Variants in CDCA7L observed in about 807,000 individuals in gnomAD.
CDCA7L encodes the protein cell division cycle-associated 7-like protein.
Under a neutral mutation model 57.4 loss-of-function variants are expected in CDCA7L, and 44 were observed. The ratio of observed to expected loss-of-function variants is 0.77; its 90% CI spans 0.60 to 0.98. CDCA7L has a LOEUF of 0.98. CDCA7L is among the 50% of genes least tolerant of loss of function. The pLI is 0.00. For missense variants in CDCA7L, 644 were observed against 580.6 expected, an observed-to-expected ratio of 1.11 and a Z score of -1.12; for synonymous variants, 236 against 202.8, an observed-to-expected ratio of 1.16 and a Z score of -1.39.
intron 1 of CDCA7L, among the ~76,000 whole-genome samples, chr7:21,933,259 T>C (rs900254547): frequency 2.0e-5 from 3 of 152,200 alleles, no homozygotes; most frequent in Non-Finnish European, 4.4e-5. Context: ...CTCAAGGATC[T>C]AGAACCAGAA....
At chr7:21,927,235 A>T (rs1785857611) in intron 1 of CDCA7L, among the ~76,000 whole-genome samples, 1 of 152,208 alleles carries the variant, frequency 6.6e-6, no homozygotes, top group South Asian at 2.1e-4. Context: ...GACAAAGAAA[A>T]CTATCCTATG....
Position 21,941,148 on chromosome 7 carries a change from C to T in CDCA7L, c.24+4633G>A, listed in dbSNP as rs189393923. ...AAAGAGTTATTAAAAATAGTGCAGACTCCAACACAAGCCGTAAGATATACA... is the reference window on the plus strand; with the variant it reads ...AAAGAGTTATTAAAAATAGTGCAGATTCCAACACAAGCCGTAAGATATACA... On this transcript the variant is annotated intron_variant, in intron 1 of 9. Coordinates refer to ENST00000406877, the MANE Select transcript of CDCA7L (RefSeq NM_018719.5). 4.6e-3 allele frequency among the ~76,000 whole-genome samples: 696 copies of T among 152,198 alleles called. 4 individuals carry two copies. Among genetic ancestry groups the T allele is most frequent in the Non-Finnish European group, 6.5e-3 (440 of 68,026 alleles).
At position 21,901,076 on chromosome 7, in the gene CDCA7L, C is replaced by T. The variant is rs72658835; in HGVS notation, c.*1246G>A. On this transcript the variant is annotated 3_prime_UTR_variant, in exon 10 of 10. Transcript: ENST00000406877. ...CTCAAGGAGCTGGCATGCCCTATGC[C>T]GGTCATCTTTGCAAAAGCCACCCCC... 8.5e-5 allele frequency: 137 copies of T among 1,613,678 alleles called. No homozygotes were observed. Among genetic ancestry groups the T allele is most frequent in the South Asian group, 2.6e-4 (24 of 91,062 alleles).
rs534868203 is a variant in CDCA7L at position 21,941,518 on chromosome 7, C to A, written c.24+4263G>T. Among the ~76,000 whole-genome samples, 3 of 152,334 alleles carry A rather than the reference C, an allele frequency of 2.0e-5. No individual in the cohort carries two copies. In the South Asian group the frequency reaches 6.2e-4, roughly 32 times the overall value. On this transcript the variant is annotated intron_variant, in intron 1 of 9. Coordinates refer to ENST00000406877, the MANE Select transcript of CDCA7L (RefSeq NM_018719.5). ...TACAATGCAAATTTCACATAAAAGT[C>A]ATTCCTATGTAAAAGCTTGGTGGAT...
Position 21,901,982 on chromosome 7 carries a change from A to G in CDCA7L, c.*340T>C, listed in dbSNP as rs150996749. Reference sequence around the variant, plus strand: ...TGGGAAGCCAAAGATAGATAGATCAAGTGCAGGAGCTGATCATACAATGTT... The same window carrying G: ...TGGGAAGCCAAAGATAGATAGATCAGGTGCAGGAGCTGATCATACAATGTT... On this transcript the variant is annotated 3_prime_UTR_variant, in exon 10 of 10. Transcript: ENST00000406877. 3.4e-6 allele frequency: 1 copy of G among 291,820 alleles called. No homozygotes were observed. The highest frequency in any genetic ancestry group is 2.1e-5 in the African/African-American group (1 of 46,530). The allele number at this position is 291,820 out of a possible 1,614,324, so 18.1% of individuals were successfully genotyped here.
chr7:21,903,007 A>G lies in CDCA7L; in HGVS notation c.1305T>C (p.Gly435=). 1.2e-6 allele frequency: 2 copies of G among 1,613,922 alleles called. No homozygotes were observed. Among genetic ancestry groups the G allele is most frequent in the Non-Finnish European group, 1.7e-6 (2 of 1,179,826 alleles). Residue 435 remains glycine (G), a synonymous_variant, in exon 9 of 10, where the codon GGT becomes GGC. Coordinates refer to ENST00000406877, the MANE Select transcript of CDCA7L (RefSeq NM_018719.5). Reference sequence around the variant, plus strand: ...CCAGATATTCCTTAACATTGTCATAACCATAAAACTTGGCCAGATGAATGA... The same window carrying G: ...CCAGATATTCCTTAACATTGTCATAGCCATAAAACTTGGCCAGATGAATGA... ...GILIHLAKFY[G]YDNVKEYLES...
intron 1 of CDCA7L, among the ~76,000 whole-genome samples, chr7:21,927,790 C>T (rs1381064347): frequency 1.3e-5 from 2 of 152,166 alleles, no homozygotes; most frequent in Non-Finnish European, 2.9e-5. Context: ...TGACACTCAA[C>T]AAGATTATCA....
In CDCA7L at chr7:21,929,631, C is replaced by CAAAAA. The variant is rs57283961; in HGVS notation, c.25-12742_25-12738dup. Among the ~76,000 whole-genome samples the CAAAAA allele has an allele frequency of 2.4e-3, 86 of 35,512 alleles. 5 individuals are homozygous for CAAAAA. The highest frequency in any genetic ancestry group is 0.01 in the African/African-American group (66 of 6,552). 23.3% of individuals were successfully genotyped at this position (35,512 alleles called of 152,430 possible). A position where few individuals can be genotyped will look rare whatever the true frequency, so the allele number is the denominator to read the frequency against. On this transcript the variant is annotated intron_variant, in intron 1 of 9. Transcript: ENST00000406877. ...GGAATATTATCCAGCAAATGGAAAG[C>CAAAAA]AAAAAAAAAAAAAAAAAAAAAAAAA...
In CDCA7L at chr7:21,930,697, C is replaced by CAA. The variant is rs56701381; in HGVS notation, c.25-13805_25-13804dup. On this transcript the variant is annotated intron_variant, in intron 1 of 9. Transcript: ENST00000406877. ...CCGGCAACAGTGCAAGACTCCGTCT[C>CAA]AAAAAAAAAAAAAAAAAAAAAAAAA... is the stretch of plus-strand genomic sequence containing the variant. 1.4e-3 allele frequency among the ~76,000 whole-genome samples: 72 copies of CAA among 51,810 alleles called. 2 individuals carry two copies. Among genetic ancestry groups the CAA allele is most frequent in the African/African-American group, 4.7e-3 (56 of 11,990 alleles). 34.0% of individuals were successfully genotyped at this position (51,810 alleles called of 152,430 possible). A position where few individuals can be genotyped will look rare whatever the true frequency, so the allele number is the denominator to read the frequency against.
intron 1 of CDCA7L, among the ~76,000 whole-genome samples, chr7:21,943,448 A>G (rs1304938126): frequency 2.6e-5 from 4 of 152,230 alleles, no homozygotes; most frequent in Admixed American, 1.3e-4. Context: ...GAGCTGAGCG[A>G]CATTTGATGT....
intron 1 of CDCA7L, among the ~76,000 whole-genome samples, chr7:21,922,594 A>C (rs1251905386): frequency 6.6e-6 from 1 of 152,214 alleles, no homozygotes; most frequent in Non-Finnish European, 1.5e-5. Flanking sequence ...ACACCAAGGA[A>C]ACTGCAAATG....
At chr7:21,916,140 A>G (rs564358871) in intron 2 of CDCA7L, among the ~76,000 whole-genome samples, 2 of 152,208 alleles carry the variant, frequency 1.3e-5, no homozygotes, top group African/African-American at 4.8e-5. Context: ...TGGTCAAGGC[A>G]GAATGAGGAA....
Position 21,908,582 on chromosome 7 carries a change from C to G in CDCA7L, c.304-75G>C, listed in dbSNP as rs1225983459. 1.0e-5 allele frequency: 14 copies of G among 1,372,854 alleles called. No individual in the cohort carries two copies. In the East Asian group the frequency reaches 3.6e-4, roughly 35 times the overall value. 85.0% of individuals were successfully genotyped at this position (1,372,854 alleles called of 1,614,324 possible). A position where few individuals can be genotyped will look rare whatever the true frequency, so the allele number is the denominator to read the frequency against. On this transcript the variant is annotated intron_variant, in intron 3 of 9. Coordinates refer to ENST00000406877, the MANE Select transcript of CDCA7L (RefSeq NM_018719.5). ...CAAAAAAGACATGCATTTAAAACAA[C>G]TGACAGCATTATGAGAAAAAACATG...
At chr7:21,906,229 T>C in intron 6 of CDCA7L, 60 bp downstream of exon 6, 1 of 1,498,090 alleles carries the variant, frequency 6.7e-7, no homozygotes, top group Non-Finnish European at 9.0e-7. Context: ...TGACGTGCGT[T>C]CACGTTTGGA....
At chr7:21,940,049 C>T (rs1431152706) in intron 1 of CDCA7L, among the ~76,000 whole-genome samples, 1 of 151,782 alleles carries the variant, frequency 6.6e-6, no homozygotes, top group Non-Finnish European at 1.5e-5. Context: ...TCCACACTGT[C>T]CTCACACCAG....
intron 2 of CDCA7L, among the ~76,000 whole-genome samples, chr7:21,915,654 A>ACAC (rs1407719984): frequency 8.0e-6 from 1 of 124,360 alleles, no homozygotes; most frequent in African/African-American, 3.2e-5. Context: ...AAAAAAAAAA[A>ACAC]AAAAACACAC....
Position 21,904,168 on chromosome 7 carries a change from C to G in CDCA7L, c.1139G>C (p.Cys380Ser). Residue 380 changes from cysteine to serine, a missense_variant, in exon 8 of 10, where the codon TGT becomes TCT. By Grantham distance (112) the Cys-to-Ser change is moderately radical. Transcript: ENST00000406877. ...QGCCGVRGQF[C>S]GPCLRNRYGE... ...ATAGCGGTTCCGCAGGCATGGTCCA[C>G]AGAACTGTCCTCGCACACCACAGCA... is the stretch of plus-strand genomic sequence containing the variant. 1 of 1,613,792 alleles carries G rather than the reference C, an allele frequency of 6.2e-7. No individual in the cohort carries two copies. The highest frequency in any genetic ancestry group is 8.5e-7 in the Non-Finnish European group (1 of 1,179,860).
chr7:21,902,323 T>TAATTGTCTTCTACCAGCTCCTTTTG lies in CDCA7L; in HGVS notation c.1339_1363dup (p.Ter455SerfsTer21), dbSNP rs1562617522. 1 of 1,613,848 alleles carries TAATTGTCTTCTACCAGCTCCTTTTG rather than the reference T, an allele frequency of 6.2e-7. No homozygotes were observed. The highest frequency in any genetic ancestry group is 8.5e-7 in the Non-Finnish European group (1 of 1,179,754). ...TGGCTGGTTCTGTTTGTTTTCCTCT[T>TAATTGTCTTCTACCAGCTCCTTTTG]AATTGTCTTCTACCAGCTCCTTTTG... On this transcript the variant is annotated frameshift_variant and stop_lost, in exon 10 of 10. Transcript: ENST00000406877. LOFTEE classifies it high-confidence loss of function.
At chr7:21,907,047 G>C (rs1177886632) in intron 4 of CDCA7L, among the ~76,000 whole-genome samples, 1 of 152,114 alleles carries the variant, frequency 6.6e-6, no homozygotes, top group Non-Finnish European at 1.5e-5. Flanking sequence ...AGATTATTTC[G>C]ATGGTTATTT....
Sources: allele counts gnomAD v4.1 joint callset (sites outside exome capture counted in the v4.1 genomes callset), GRCh38; gene constraint gnomAD v4.1.1; transcripts MANE v1.5; gene names NCBI Gene and HGNC (gene_info 2026-07-23, HGNC 2026-07-21).